Variants in DPYD observed in about 807,000 individuals in gnomAD.
The protein encoded by DPYD is dihydropyrimidine dehydrogenase.
A neutral mutation model predicts 116.2 loss-of-function variants in DPYD; 109 were observed. The ratio of observed to expected loss-of-function variants is 0.94; its 90% confidence interval spans 0.80 to 1.10. The LOEUF (loss-of-function observed/expected upper bound fraction) is 1.10. Ranked by LOEUF, DPYD falls within the 50% of genes least tolerant of loss-of-function variation. The pLI, the probability that DPYD is intolerant of heterozygous loss-of-function variation, is 0.00. For synonymous variants in DPYD, 440 were observed against 432.0 expected, an observed-to-expected ratio of 1.02 and a Z score of -0.23; for missense variants, 1,302 against 1,254.5, an observed-to-expected ratio of 1.04 and a Z score of -0.57.
In DPYD at chr1:97,833,627, T is replaced by C. The variant is rs1238723159; in HGVS notation, c.151-5431A>G. ...GAAATATACTTACCTTCTAGAGCTA[T>C]CAACAAGATTAAATGAGGTAATATA... On this transcript the variant is annotated intron_variant, in intron 2 of 22. Transcript: ENST00000370192. 5.3e-5 allele frequency among the ~76,000 whole-genome samples: 8 copies of C among 152,206 alleles called. 1 individual carries two copies. Among genetic ancestry groups the C allele is most frequent in the Admixed American group, 3.9e-4 (6 of 15,292 alleles).
intron 14 of DPYD, among the ~76,000 whole-genome samples, chr1:97,441,766 T>C (rs572610178): frequency 6.6e-6 from 1 of 152,286 alleles, no homozygotes; most frequent in South Asian, 2.1e-4. Context: ...TCCTACCTTT[T>C]TTGGTGCTAG....
In DPYD at chr1:97,387,796, G is replaced by A. The variant is rs186150814; in HGVS notation, c.1906-5335C>T. ...GGGAAAAAAGAAGGCTTTTGTGGTT[G>A]TAGATTCATGAGAGGACAGGAATAG... On this transcript the variant is annotated intron_variant, in intron 14 of 22. Transcript: ENST00000370192. 7.2e-4 allele frequency among the ~76,000 whole-genome samples: 109 copies of A among 152,206 alleles called. 1 individual carries two copies. Among genetic ancestry groups the A allele is most frequent in the African/African-American group, 2.6e-3 (106 of 41,558 alleles).
intron 3 of DPYD, among the ~76,000 whole-genome samples, chr1:97,778,191 AG>A (rs761208588): frequency 0.057 from 4,670 of 81,448 alleles, 155 homozygotes; most frequent in African/African-American, 0.12. Flanking sequence ...AGAAAGAAAG[AG>A]AGAGAGAGAG....
chr1:97,769,844 A>G (rs1203527868), intron 3 of DPYD, among the ~76,000 whole-genome samples: 1 of 152,212 alleles, frequency 6.6e-6, no homozygotes, highest in African/African-American at 2.4e-5. Context: ...GGGTGGGAAT[A>G]TAAGGTGGTG....
At chr1:97,276,188 C>T (rs1664916275) in intron 18 of DPYD, among the ~76,000 whole-genome samples, 1 of 152,132 alleles carries the variant, frequency 6.6e-6, no homozygotes, top group Admixed American at 6.6e-5. Context: ...TTTCCCAAGG[C>T]TGATGTCCAG....
At chr1:97,170,696 G>T (rs1228911116) in intron 20 of DPYD, among the ~76,000 whole-genome samples, 3 of 147,250 alleles carry the variant, frequency 2.0e-5, no homozygotes, top group African/African-American at 7.6e-5. Flanking sequence ...TTTTTTTTGA[G>T]ATAGAGTCCC....
At chr1:97,880,478 C>T (rs767014490) in intron 2 of DPYD, among the ~76,000 whole-genome samples, 9 of 151,596 alleles carry the variant, frequency 5.9e-5, no homozygotes, top group Admixed American at 1.3e-4. Context: ...TCAACCACAC[C>T]GAGAATAACT....
chr1:97,370,836 T>C (rs917186316), intron 16 of DPYD, among the ~76,000 whole-genome samples: 1 of 152,148 alleles, frequency 6.6e-6, no homozygotes, highest in African/African-American at 2.4e-5. Context: ...AATGAATACA[T>C]GAGACTACTT....
At chr1:97,555,349 G>A (rs1651615369) in intron 11 of DPYD, among the ~76,000 whole-genome samples, 1 of 151,900 alleles carries the variant, frequency 6.6e-6, no homozygotes, top group Non-Finnish European at 1.5e-5. Flanking sequence ...TATAAAGATG[G>A]CCTCGAACTC....
intron 21 of DPYD, chr1:97,095,845 A>G (rs1650209025): frequency 6.6e-6 from 1 of 152,150 alleles, no homozygotes; most frequent in African/African-American, 2.4e-5. Flanking sequence ...AGGGCACAGC[A>G]TCTGCCTAGA....
intron 7 of DPYD, among the ~76,000 whole-genome samples, chr1:97,682,459 A>G (rs1366448068): frequency 1.3e-5 from 2 of 152,042 alleles, no homozygotes; most frequent in African/African-American, 4.8e-5. Flanking sequence ...TCCCTTTCCT[A>G]AAAGCCTGAG....
intron 18 of DPYD, among the ~76,000 whole-genome samples, chr1:97,299,780 G>A (rs1252100031): frequency 6.6e-6 from 1 of 152,074 alleles, no homozygotes; most frequent in East Asian, 1.9e-4. Context: ...GAACAGTGAA[G>A]ATTTGTGTAG....
At chr1:97,273,926 T>C (rs1664758590) in intron 18 of DPYD, among the ~76,000 whole-genome samples, 1 of 152,188 alleles carries the variant, frequency 6.6e-6, no homozygotes, top group Non-Finnish European at 1.5e-5. Context: ...CAAGCCATCA[T>C]TTCAATTTTC....
Position 97,123,401 on chromosome 1 carries a change from C to T in DPYD, c.2623-24769G>A, listed in dbSNP as rs79495413. On this transcript the variant is annotated intron_variant, in intron 20 of 22. Transcript: ENST00000370192. ...ATTGTCCTCTGAAATTGGTATTATGCTATCAAATAAATATAAGAAAAACAG... is the reference window on the plus strand; with the variant it reads ...ATTGTCCTCTGAAATTGGTATTATGTTATCAAATAAATATAAGAAAAACAG... Among the ~76,000 whole-genome samples the T allele has an allele frequency of 3.3e-3, 503 of 152,034 alleles. 17 individuals carry two copies. In the East Asian group the frequency reaches 0.07, roughly 21 times the overall value.
In DPYD at chr1:97,126,622, G is replaced by A. The variant is rs117343401; in HGVS notation, c.2623-27990C>T. 6.4e-4 allele frequency among the ~76,000 whole-genome samples: 97 copies of A among 152,246 alleles called. 1 individual carries two copies. In the East Asian group the frequency reaches 0.017, roughly 27 times the overall value. Reference sequence around the variant, plus strand: ...TGACACTCACTTCTATCACATCTGAGATTAACTCATTCTTAGTATTTACTA... The same window carrying A: ...TGACACTCACTTCTATCACATCTGAAATTAACTCATTCTTAGTATTTACTA... On this transcript the variant is annotated intron_variant, in intron 20 of 22. Coordinates refer to ENST00000370192, the MANE Select transcript of DPYD (RefSeq NM_000110.4).
chr1:97,635,346 C>T (rs957057419), intron 8 of DPYD, among the ~76,000 whole-genome samples: 3 of 152,028 alleles, frequency 2.0e-5, no homozygotes, highest in African/African-American at 7.2e-5. Flanking sequence ...CTTAGTGTTC[C>T]ATCCCTAGAG....
At chr1:97,165,026 G>T (rs1656217978) in intron 20 of DPYD, among the ~76,000 whole-genome samples, 1 of 151,982 alleles carries the variant, frequency 6.6e-6, no homozygotes, top group East Asian at 1.9e-4. Flanking sequence ...CAGATTCAAT[G>T]CTATTCCTAT....
intron 19 of DPYD, 110 bp downstream of exon 19, chr1:97,234,742 C>T: frequency 1.5e-6 from 2 of 1,376,228 alleles, no homozygotes; most frequent in South Asian, 1.2e-5. Context: ...TCCCAAATGG[C>T]CTCCTTTTCA....
At chr1:97,248,384 C>T (rs1454169928) in intron 18 of DPYD, among the ~76,000 whole-genome samples, 1 of 152,096 alleles carries the variant, frequency 6.6e-6, no homozygotes, top group Non-Finnish European at 1.5e-5. Flanking sequence ...TTGCCTGCTG[C>T]CATCCATGTA....
Sources: allele counts gnomAD v4.1 joint callset (sites outside exome capture counted in the v4.1 genomes callset), GRCh38; gene constraint gnomAD v4.1.1; transcripts MANE v1.5; gene names NCBI Gene and HGNC (gene_info 2026-07-23, HGNC 2026-07-21).